SMYD3: variants seen among roughly 807,000 people sequenced by gnomAD.
The protein encoded by SMYD3 is SET and MYND domain containing 3, also known as histone-lysine N-methyltransferase SMYD3.
A neutral mutation model predicts 57.7 loss-of-function variants in SMYD3; 36 were observed. The ratio of observed to expected loss-of-function variants is 0.62; its 90% CI spans 0.48 to 0.82. The LOEUF (loss-of-function observed/expected upper bound fraction) is 0.82, where lower values mean the gene tolerates loss of function less well. Ranked by LOEUF, SMYD3 falls within the 40% of genes least tolerant of loss-of-function variation. The pLI, the probability that SMYD3 is intolerant of heterozygous loss-of-function variation, is 0.00. For synonymous variants in SMYD3, 211 were observed against 195.0 expected (o/e 1.08, Z -0.68); for missense variants, 515 against 538.8 (o/e 0.96, Z 0.44).
chr1:246,374,992 C>A (rs2066250651), intron 1 of SMYD3, among the ~76,000 whole-genome samples: 1 of 152,154 alleles, frequency 6.6e-6, no homozygotes. Context: ...ACTCGGGAGG[C>A]TGAGGCAGAA....
At chr1:246,216,355 G>C (rs996436614) in intron 5 of SMYD3, among the ~76,000 whole-genome samples, 8 of 151,074 alleles carry the variant, frequency 5.3e-5, no homozygotes, top group Non-Finnish European at 1.0e-4. Context: ...CTCCATATTG[G>C]ACAATATGGT....
intron 5 of SMYD3, among the ~76,000 whole-genome samples, chr1:245,956,465 C>T (rs973805225): frequency 2.7e-4 from 41 of 152,284 alleles, no homozygotes; most frequent in African/African-American, 4.8e-4. Flanking sequence ...CAAAACAGGA[C>T]GTGTGACGTG....
chr1:246,436,993 G>A (rs1207103909), intron 1 of SMYD3, among the ~76,000 whole-genome samples: 4 of 147,314 alleles, frequency 2.7e-5, no homozygotes, highest in Non-Finnish European at 5.9e-5. Context: ...TCCACCTCCC[G>A]GGTTCAAGCG....
chr1:246,409,793 T>G (rs1415177716), intron 1 of SMYD3, among the ~76,000 whole-genome samples: 2 of 152,234 alleles, frequency 1.3e-5, no homozygotes, highest in African/African-American at 4.8e-5. Context: ...TGATATTGAT[T>G]CTTCCTACCC....
At chr1:245,810,382 C>T (rs1468785732) in intron 10 of SMYD3, among the ~76,000 whole-genome samples, 1 of 152,206 alleles carries the variant, frequency 6.6e-6, no homozygotes, top group African/African-American at 2.4e-5. Context: ...TGAGGCAGGG[C>T]ACCTGTTTCA....
chr1:246,174,959 C>A (rs1289726292), intron 5 of SMYD3, among the ~76,000 whole-genome samples: 1 of 152,108 alleles, frequency 6.6e-6, no homozygotes, highest in African/African-American at 2.4e-5. Flanking sequence ...TCATGAAAAT[C>A]TTTTAGGTAT....
intron 10 of SMYD3, among the ~76,000 whole-genome samples, chr1:245,833,170 G>T (rs1380541410): frequency 6.6e-6 from 1 of 151,806 alleles, no homozygotes; most frequent in Non-Finnish European, 1.5e-5. Flanking sequence ...ATAGTAGAGT[G>T]TTCCTATACA....
intron 5 of SMYD3, among the ~76,000 whole-genome samples, chr1:246,184,437 A>G (rs1258078436): frequency 6.6e-6 from 1 of 152,206 alleles, no homozygotes; most frequent in Non-Finnish European, 1.5e-5. Flanking sequence ...TGTCTTCAAC[A>G]ATGACCAGGC....
intron 10 of SMYD3, among the ~76,000 whole-genome samples, chr1:245,780,659 ACACT>A (rs2148136184): frequency 6.6e-6 from 1 of 152,372 alleles, no homozygotes; most frequent in African/African-American, 2.4e-5. Context: ...ACTGAAATGT[ACACT>A]TTTAAAGTGG....
At chr1:246,379,073 CACAT>C (rs1467827100) in intron 1 of SMYD3, among the ~76,000 whole-genome samples, 1 of 84,364 alleles carries the variant, frequency 1.2e-5, no homozygotes, top group African/African-American at 4.0e-5. Context: ...TACTTACACA[CACAT>C]ACATACACAC....
intron 5 of SMYD3, among the ~76,000 whole-genome samples, chr1:246,215,709 T>C (rs1892211): frequency 0.27 from 40,318 of 151,930 alleles, 6,078 homozygotes; most frequent in East Asian, 0.58. Context: ...GGAACTCAAC[T>C]GTCCAAAGAA....
intron 9 of SMYD3, among the ~76,000 whole-genome samples, chr1:245,860,075 C>T (rs920911793): frequency 2.6e-5 from 4 of 152,190 alleles, no homozygotes; most frequent in African/African-American, 9.7e-5. Context: ...TTCCACCTTC[C>T]CTCTGTGACA....
chr1:246,324,076 T>C (rs1476593739), intron 5 of SMYD3, among the ~76,000 whole-genome samples: 1 of 152,178 alleles, frequency 6.6e-6, no homozygotes, highest in Non-Finnish European at 1.5e-5. Context: ...TAAGCAATTT[T>C]AGAAAAGCTC....
chr1:246,251,168 C>T (rs925802436), intron 5 of SMYD3, among the ~76,000 whole-genome samples: 1 of 152,106 alleles, frequency 6.6e-6, no homozygotes, highest in Non-Finnish European at 1.5e-5. Context: ...GTGAAAAAGT[C>T]CATTTGAGTT....
At chr1:246,339,159 C>A (rs2065590284) in intron 2 of SMYD3, among the ~76,000 whole-genome samples, 1 of 152,118 alleles carries the variant, frequency 6.6e-6, no homozygotes, top group African/African-American at 2.4e-5. Context: ...CTAAATTACT[C>A]AATTAAAGCC....
intron 8 of SMYD3, among the ~76,000 whole-genome samples, chr1:245,886,190 G>A (rs2053077707): frequency 6.6e-6 from 1 of 152,150 alleles, no homozygotes; most frequent in Non-Finnish European, 1.5e-5. Context: ...GGAGACAACT[G>A]TTTTATGGGC....
intron 2 of SMYD3, among the ~76,000 whole-genome samples, chr1:246,348,077 T>TATATATATATATATATGTATATATATAC: frequency 1.2e-5 from 1 of 86,488 alleles, no homozygotes; most frequent in East Asian, 2.4e-4. Flanking sequence ...TATATATATA[T>TATATATATATATATATGTATATATATAC]ACACACACAC....
At chr1:245,823,336 C>T (rs568302101) in intron 10 of SMYD3, among the ~76,000 whole-genome samples, 16 of 118,322 alleles carry the variant, frequency 1.4e-4, no homozygotes, top group East Asian at 5.2e-4. Flanking sequence ...CACACACGCG[C>T]GCTCGTGCTT....
chr1:246,240,972 G>C (rs540953783), intron 5 of SMYD3, among the ~76,000 whole-genome samples: 95 of 152,108 alleles, frequency 6.2e-4, no homozygotes, highest in African/African-American at 2.1e-3. Context: ...AGTTGCTTAT[G>C]AGCTTAAGGA....
Sources: allele counts gnomAD v4.1 joint callset (sites outside exome capture counted in the v4.1 genomes callset), GRCh38; gene constraint gnomAD v4.1.1; transcripts MANE v1.5; gene names NCBI Gene and HGNC (gene_info 2026-07-23, HGNC 2026-07-21).